PCCA: variants seen among roughly 807,000 people sequenced by gnomAD.
PCCA encodes the protein propionyl-CoA carboxylase alpha chain, mitochondrial.
PCCA carries 74 observed loss-of-function variants against 101.3 expected under a neutral mutation model. That is an observed-to-expected ratio of 0.73 (90% CI 0.61 to 0.89). The LOEUF (loss-of-function observed/expected upper bound fraction) is 0.89. Among genes scored for constraint, PCCA ranks in the 40% least tolerant of loss-of-function variants. The pLI is 0.00. For synonymous variants in PCCA, 294 were observed against 313.6 expected, an observed-to-expected ratio of 0.94 and a Z score of 0.66; for missense variants, 891 against 907.0, an observed-to-expected ratio of 0.98 and a Z score of 0.23.
At chr13:100,515,282 G>A in intron 21 of PCCA, 145 bp from the exon 22 acceptor site, 1 of 725,272 alleles carries the variant, frequency 1.4e-6, no homozygotes, top group Non-Finnish European at 2.4e-6. Flanking sequence ...ATATTTTGAT[G>A]TGTGCAGCAA....
intron 6 of PCCA, among the ~76,000 whole-genome samples, chr13:100,164,673 A>G (rs1341173989): frequency 3.9e-5 from 6 of 152,350 alleles, no homozygotes; most frequent in South Asian, 2.1e-4. Flanking sequence ...TTAAAATTAC[A>G]TATGTATTTT....
chr13:100,449,262 G>T lies in PCCA; in HGVS notation c.1856G>T (p.Arg619Leu), dbSNP rs530945778. 1.3e-6 allele frequency: 2 copies of T among 1,538,588 alleles called. No homozygotes were observed. The highest frequency in any genetic ancestry group is 1.8e-6 in the Non-Finnish European group (2 of 1,135,612). The change falls in exon 21 of 24, where the codon CGA becomes CTA. Residue 619 changes from arginine to leucine, a missense_variant. Arg to Leu is a moderately radical substitution (Grantham distance 102). Transcript: ENST00000376285. ...GTQRTVQCLS[R>L]EAGGNMSIQF... ...TTGTTTGTTTTTTAGTGTCTTTCTC[G>T]AGAAGCAGGTGGAAACATGAGCATT...
At chr13:100,486,358 A>C (rs141870183) in intron 21 of PCCA, among the ~76,000 whole-genome samples, 45 of 152,362 alleles carry the variant, frequency 3.0e-4, no homozygotes, top group African/African-American at 1.0e-3. Flanking sequence ...TAACTGGATA[A>C]GTTTCCGAAG....
chr13:100,140,757 C>T (rs1473506741), intron 4 of PCCA, among the ~76,000 whole-genome samples: 1 of 152,134 alleles, frequency 6.6e-6, no homozygotes, highest in African/African-American at 2.4e-5. Context: ...GTGGAGCATG[C>T]TTAGTCCATC....
chr13:100,240,162 C>T (rs1012094368), intron 8 of PCCA, among the ~76,000 whole-genome samples: 69 of 152,150 alleles, frequency 4.5e-4, no homozygotes, highest in African/African-American at 1.3e-3. Context: ...TATTTCATCT[C>T]ATCCCAGCCC....
chr13:100,233,533 A>G lies in PCCA; in HGVS notation c.601-2309A>G, dbSNP rs142816889. 1.1e-3 allele frequency among the ~76,000 whole-genome samples: 173 copies of G among 152,228 alleles called. 2 individuals are homozygous for G. Among genetic ancestry groups the G allele is most frequent in the African/African-American group, 4.0e-3 (165 of 41,562 alleles). ...TTAGTGCCATTGAATTTGGAGCTAT[A>G]TAGGGCTTTTTATCTCTTCAAAAGT... On this transcript the variant is annotated intron_variant, in intron 7 of 23. Transcript: ENST00000376285.
At chr13:100,428,403 G>A (rs1005559438) in intron 20 of PCCA, among the ~76,000 whole-genome samples, 2 of 141,934 alleles carry the variant, frequency 1.4e-5, no homozygotes, top group African/African-American at 5.3e-5. Flanking sequence ...GAGCAGTCTT[G>A]CTGTAGGTAG....
At chr13:100,170,375 G>A (rs1207510236) in intron 6 of PCCA, among the ~76,000 whole-genome samples, 1 of 152,110 alleles carries the variant, frequency 6.6e-6, no homozygotes, top group Non-Finnish European at 1.5e-5. Flanking sequence ...CCCCAGATTT[G>A]TTCTAAACTT....
At chr13:100,198,280 G>GAT (rs1250732425) in intron 6 of PCCA, 1 of 152,214 alleles carries the variant, frequency 6.6e-6, no homozygotes, top group Non-Finnish European at 1.5e-5. Flanking sequence ...TCTCGTCTGT[G>GAT]ATTTCAGCAG....
chr13:100,370,819 A>G (rs999983626), intron 19 of PCCA, among the ~76,000 whole-genome samples: 21 of 152,028 alleles, frequency 1.4e-4, no homozygotes, highest in African/African-American at 5.1e-4. Flanking sequence ...TAGACGGGAG[A>G]ACTGTGATTG....
intron 6 of PCCA, among the ~76,000 whole-genome samples, chr13:100,179,638 T>A (rs2056600048): frequency 6.6e-6 from 1 of 152,230 alleles, no homozygotes; most frequent in Non-Finnish European, 1.5e-5. Context: ...TGTCATCTAT[T>A]GACAATTGAT....
At chr13:100,170,900 G>A (rs1329960921) in intron 6 of PCCA, among the ~76,000 whole-genome samples, 1 of 152,176 alleles carries the variant, frequency 6.6e-6, no homozygotes, top group Non-Finnish European at 1.5e-5. Context: ...AAATAAGAGT[G>A]GGTGATACAA....
At chr13:100,327,937 T>C (rs895955395) in intron 16 of PCCA, among the ~76,000 whole-genome samples, 2 of 152,200 alleles carry the variant, frequency 1.3e-5, no homozygotes, top group South Asian at 4.1e-4. Context: ...AATATATGTA[T>C]TGTGGGCCAG....
chr13:100,173,467 A>G (rs2055916633), intron 6 of PCCA, among the ~76,000 whole-genome samples: 18 of 152,182 alleles, frequency 1.2e-4, no homozygotes, highest in Admixed American at 1.2e-3. Context: ...TAGAAGATAA[A>G]ACAGCTCTCA....
intron 21 of PCCA, among the ~76,000 whole-genome samples, chr13:100,485,151 G>A (rs2084273859): frequency 6.6e-6 from 1 of 152,214 alleles, no homozygotes; most frequent in Non-Finnish European, 1.5e-5. Context: ...GGAAGGGAGT[G>A]AATGGGTGTA....
intron 4 of PCCA, among the ~76,000 whole-genome samples, chr13:100,115,648 G>A (rs551062334): frequency 2.6e-5 from 4 of 152,196 alleles, no homozygotes; most frequent in Admixed American, 6.5e-5. Context: ...GTACATTACC[G>A]ACCAAGCTGT....
intron 21 of PCCA, among the ~76,000 whole-genome samples, chr13:100,473,545 C>G (rs561103037): frequency 7.2e-5 from 11 of 152,296 alleles, no homozygotes; most frequent in African/African-American, 2.6e-4. Context: ...TACATACACT[C>G]AGACAGAAAA....
intron 19 of PCCA, among the ~76,000 whole-genome samples, chr13:100,385,200 T>C (rs562838384): frequency 6.6e-6 from 1 of 152,338 alleles, no homozygotes; most frequent in African/African-American, 2.4e-5. Flanking sequence ...GAAATTCTTT[T>C]ACATTGGCAA....
intron 18 of PCCA, among the ~76,000 whole-genome samples, chr13:100,352,701 G>GT (rs940207954): frequency 1.3e-5 from 2 of 151,168 alleles, no homozygotes; most frequent in Non-Finnish European, 3.0e-5. Context: ...GCCTTTTTTT[G>GT]TATTTTTTTT....
Sources: gnomAD v4.1 joint callset for allele counts (sites outside exome capture counted in the v4.1 genomes callset) on GRCh38, gnomAD v4.1.1 for gene constraint, MANE v1.5 for transcripts, NCBI Gene and HGNC (gene_info 2026-07-23, HGNC 2026-07-21) for gene names.